Variants in IMMP2L observed in about 807,000 individuals in gnomAD.
IMMP2L encodes inner mitochondrial membrane peptidase subunit 2.
IMMP2L carries 18 observed loss-of-function variants against 19.3 expected under a neutral mutation model. The observed-to-expected ratio is 0.93, with a 90% CI of 0.64 to 1.38. The LOEUF (loss-of-function observed/expected upper bound fraction) is 1.38, where lower values mean the gene tolerates loss of function less well. IMMP2L is among the 40% of genes most tolerant of loss of function. IMMP2L has a pLI of 0.00. For missense variants in IMMP2L, 233 were observed against 218.2 expected (o/e 1.07, Z -0.43); for synonymous variants, 76 against 73.0 (o/e 1.04, Z -0.21).
chr7:110,671,125 T>C (rs181612344), intron 5 of IMMP2L, among the ~76,000 whole-genome samples: 110 of 152,348 alleles, frequency 7.2e-4, no homozygotes, highest in African/African-American at 2.5e-3. Flanking sequence ...AGTTCACCTA[T>C]GTGTCTTAAT....
chr7:111,543,808 T>C (rs1052432549), intron 1 of IMMP2L, among the ~76,000 whole-genome samples: 6 of 152,186 alleles, frequency 3.9e-5, no homozygotes. Flanking sequence ...ATACCTTTCA[T>C]TCCCTTTTGA....
chr7:111,291,100 A>C (rs1408987804), intron 3 of IMMP2L, among the ~76,000 whole-genome samples: 1 of 152,128 alleles, frequency 6.6e-6, no homozygotes, highest in Non-Finnish European at 1.5e-5. Context: ...CCTCCCTTAA[A>C]ATCCAAATGA....
At chr7:111,324,862 C>A (rs1825146713) in intron 3 of IMMP2L, among the ~76,000 whole-genome samples, 1 of 151,638 alleles carries the variant, frequency 6.6e-6, no homozygotes. Flanking sequence ...TACTGAAAAT[C>A]TAGGGGAACA....
chr7:110,929,854 G>C (rs1213270422), intron 4 of IMMP2L, among the ~76,000 whole-genome samples: 1 of 152,040 alleles, frequency 6.6e-6, no homozygotes, highest in Non-Finnish European at 1.5e-5. Flanking sequence ...CATTTACAAA[G>C]AGAAATGTCA....
At chr7:111,220,289 T>C (rs997826251) in intron 3 of IMMP2L, among the ~76,000 whole-genome samples, 2 of 151,996 alleles carry the variant, frequency 1.3e-5, no homozygotes, top group Admixed American at 1.3e-4. Context: ...ATAGGTATTA[T>C]ACGATATAAA....
At chr7:110,898,130 A>C (rs1467932653) in intron 4 of IMMP2L, among the ~76,000 whole-genome samples, 2 of 151,562 alleles carry the variant, frequency 1.3e-5, no homozygotes, top group African/African-American at 4.8e-5. Flanking sequence ...AAAAGTAATT[A>C]CAATAGACAT....
chr7:111,184,013 C>G (rs1262484942), intron 3 of IMMP2L, among the ~76,000 whole-genome samples: 1 of 151,660 alleles, frequency 6.6e-6, no homozygotes, highest in Non-Finnish European at 1.5e-5. Flanking sequence ...ACTGTCGTCA[C>G]AATAATAGGG....
intron 5 of IMMP2L, among the ~76,000 whole-genome samples, chr7:110,871,591 G>A (rs1808543547): frequency 1.3e-5 from 2 of 152,096 alleles, no homozygotes; most frequent in African/African-American, 4.8e-5. Flanking sequence ...ACGTGATGCT[G>A]ACAAAGAACC....
intron 3 of IMMP2L, among the ~76,000 whole-genome samples, chr7:111,267,359 T>C (rs779189536): frequency 6.6e-6 from 1 of 152,190 alleles, no homozygotes; most frequent in Non-Finnish European, 1.5e-5. Context: ...CTAAGATTTA[T>C]TCAATGTCAT....
intron 3 of IMMP2L, among the ~76,000 whole-genome samples, chr7:111,418,241 T>C (rs1835134623): frequency 6.6e-6 from 1 of 151,816 alleles, no homozygotes; most frequent in South Asian, 2.1e-4. Flanking sequence ...ATCTGTAATT[T>C]TGTATTTTTT....
intron 5 of IMMP2L, among the ~76,000 whole-genome samples, chr7:110,719,000 C>T (rs896453831): frequency 6.6e-6 from 1 of 152,116 alleles, no homozygotes; most frequent in Non-Finnish European, 1.5e-5. Flanking sequence ...TGCATGTAAC[C>T]CCCTCCAACC....
chr7:111,476,747 T>C (rs1185804255), intron 3 of IMMP2L, among the ~76,000 whole-genome samples: 1 of 152,178 alleles, frequency 6.6e-6, no homozygotes, highest in Non-Finnish European at 1.5e-5. Flanking sequence ...TGCTTTCCTC[T>C]GCCCATGGCC....
intron 3 of IMMP2L, among the ~76,000 whole-genome samples, chr7:110,994,811 G>A (rs1254797223): frequency 6.6e-6 from 1 of 152,172 alleles, no homozygotes; most frequent in Non-Finnish European, 1.5e-5. Flanking sequence ...GTGATAAGGT[G>A]TGACTCACAG....
intron 5 of IMMP2L, among the ~76,000 whole-genome samples, chr7:110,821,777 C>A (rs528363789): frequency 6.6e-6 from 1 of 151,818 alleles, no homozygotes; most frequent in East Asian, 2.0e-4. Context: ...AAAAAAATTA[C>A]CTGGGCGTGG....
At chr7:111,249,756 A>G (rs1197518874) in intron 3 of IMMP2L, among the ~76,000 whole-genome samples, 1 of 152,192 alleles carries the variant, frequency 6.6e-6, no homozygotes, top group Non-Finnish European at 1.5e-5. Context: ...TTGAAAGAGC[A>G]TACCTCAAAA....
chr7:111,315,401 CTA>C (rs771854993), intron 3 of IMMP2L, among the ~76,000 whole-genome samples: 24 of 151,572 alleles, frequency 1.6e-4, no homozygotes, highest in Admixed American at 5.9e-4. Flanking sequence ...CTTCAGTAGC[CTA>C]TGAGTCCCTT....
At chr7:111,032,206 G>A (rs1331328175) in intron 3 of IMMP2L, among the ~76,000 whole-genome samples, 2 of 152,118 alleles carry the variant, frequency 1.3e-5, no homozygotes, top group African/African-American at 4.8e-5. Context: ...CTCCCACAGT[G>A]CTGGGATTAC....
At chr7:110,736,255 C>G (rs1396442898) in intron 5 of IMMP2L, among the ~76,000 whole-genome samples, 1 of 152,186 alleles carries the variant, frequency 6.6e-6, no homozygotes, top group Non-Finnish European at 1.5e-5. Flanking sequence ...AGGGCTATCA[C>G]AGAAAGCCCC....
At chr7:111,170,162 C>A (rs985179667) in intron 3 of IMMP2L, among the ~76,000 whole-genome samples, 33 of 151,734 alleles carry the variant, frequency 2.2e-4, no homozygotes, top group Non-Finnish European at 4.0e-4. Context: ...AAGAAAAAAA[C>A]CCAATATTAA....
Sources: allele counts gnomAD v4.1 joint callset (sites outside exome capture counted in the v4.1 genomes callset), GRCh38; gene constraint gnomAD v4.1.1; transcripts MANE v1.5; gene names NCBI Gene and HGNC (gene_info 2026-07-23, HGNC 2026-07-21).